Variants in SLC24A3 observed in about 807,000 individuals in gnomAD.
SLC24A3 encodes the protein sodium/potassium/calcium exchanger 3.
SLC24A3 carries 28 observed loss-of-function variants against 75.8 expected under a neutral mutation model. The observed-to-expected ratio is 0.37, with a 90% CI of 0.27 to 0.51. The LOEUF (loss-of-function observed/expected upper bound fraction) is 0.51, where lower values mean the gene tolerates loss of function less well. Among genes scored for constraint, SLC24A3 ranks in the 20% least tolerant of loss-of-function variants. SLC24A3 has a pLI of 0.94. For synonymous variants in SLC24A3, 372 were observed against 334.1 expected (o/e 1.11, Z -1.24); for missense variants, 663 against 847.8 (o/e 0.78, Z 2.71).
intron 7 of SLC24A3, among the ~76,000 whole-genome samples, chr20:19,663,714 A>G (rs1054381491): frequency 6.6e-6 from 1 of 151,900 alleles, no homozygotes; most frequent in Admixed American, 6.6e-5. Context: ...CTCCAGGGTC[A>G]TGAAGCTCTG....
At chr20:19,424,730 AAAAAAAAACAACAAC>A (rs1986971971) in intron 2 of SLC24A3, among the ~76,000 whole-genome samples, 2 of 39,652 alleles carry the variant, frequency 5.0e-5, no homozygotes, top group African/African-American at 1.8e-4. Flanking sequence ...CCCTTTCTCA[AAAAAAAAACAACAAC>A]AAAAAAAAAA....
chr20:19,562,940 A>G (rs1207920896), intron 3 of SLC24A3, among the ~76,000 whole-genome samples: 1 of 152,168 alleles, frequency 6.6e-6, no homozygotes, highest in African/African-American at 2.4e-5. Flanking sequence ...CCAACCTGGG[A>G]ATCTTACTAT....
chr20:19,696,957 G>T, intron 14 of SLC24A3, 46 bp downstream of exon 14: 1 of 740,430 alleles, frequency 1.4e-6, no homozygotes, highest in Non-Finnish European at 2.3e-6. Context: ...GAGGGAGGAG[G>T]AGAGGGAGGG....
chr20:19,221,702 G>C (rs192454636), intron 1 of SLC24A3, among the ~76,000 whole-genome samples: 1 of 152,154 alleles, frequency 6.6e-6, no homozygotes, highest in Admixed American at 6.5e-5. Context: ...ATCTGCTGCT[G>C]TCTTGGTTAA....
chr20:19,528,301 G>A (rs956549925), intron 3 of SLC24A3, among the ~76,000 whole-genome samples: 3 of 152,134 alleles, frequency 2.0e-5, no homozygotes, highest in Admixed American at 6.6e-5. Flanking sequence ...TAAACTGTCA[G>A]CCATCAGCGC....
chr20:19,654,287 T>C (rs2032240375), intron 7 of SLC24A3, 151 bp downstream of exon 7: 2 of 696,554 alleles, frequency 2.9e-6, no homozygotes, highest in Non-Finnish European at 2.5e-6. Flanking sequence ...TTCTTTCAGC[T>C]ACTTTGATCA....
intron 2 of SLC24A3, among the ~76,000 whole-genome samples, chr20:19,313,421 T>C (rs1284175392): frequency 1.3e-5 from 2 of 152,034 alleles, no homozygotes; most frequent in East Asian, 3.9e-4. Context: ...CACCCAGAGA[T>C]GGAATTAAAT....
intron 6 of SLC24A3, among the ~76,000 whole-genome samples, chr20:19,652,196 G>A (rs892396671): frequency 2.0e-5 from 3 of 152,066 alleles, no homozygotes; most frequent in African/African-American, 4.8e-5. Context: ...TGCATTGTGG[G>A]TTTATGTCCT....
intron 15 of SLC24A3, among the ~76,000 whole-genome samples, chr20:19,714,614 A>G (rs1418386484): frequency 1.3e-5 from 2 of 152,128 alleles, no homozygotes; most frequent in African/African-American, 4.8e-5. Flanking sequence ...GGTCTCTAAC[A>G]ATGAAAACAC....
At chr20:19,376,689 T>C (rs973723489) in intron 2 of SLC24A3, among the ~76,000 whole-genome samples, 1 of 152,044 alleles carries the variant, frequency 6.6e-6, no homozygotes, top group Non-Finnish European at 1.5e-5. Flanking sequence ...ACCCTGTCCC[T>C]TTAACACTGC....
At chr20:19,478,533 C>A (rs149907787) in intron 2 of SLC24A3, among the ~76,000 whole-genome samples, 3 of 152,256 alleles carry the variant, frequency 2.0e-5, no homozygotes, top group East Asian at 1.9e-4. Context: ...GCCCCCCATC[C>A]ATTGTGGTTT....
At chr20:19,447,523 G>A (rs1482077506) in intron 2 of SLC24A3, among the ~76,000 whole-genome samples, 5 of 152,016 alleles carry the variant, frequency 3.3e-5, no homozygotes. Context: ...AGAATAAAGT[G>A]GTTTTTTTGC....
intron 2 of SLC24A3, among the ~76,000 whole-genome samples, chr20:19,302,050 T>G (rs938921052): frequency 2.6e-5 from 4 of 152,224 alleles, no homozygotes; most frequent in African/African-American, 9.6e-5. Context: ...TCTAGTAACA[T>G]GCCCATGAGT....
chr20:19,266,583 A>G (rs1472287025), intron 1 of SLC24A3, among the ~76,000 whole-genome samples: 1 of 152,240 alleles, frequency 6.6e-6, no homozygotes, highest in Non-Finnish European at 1.5e-5. Context: ...TGTTTATCCA[A>G]TCACAAAGGA....
At chr20:19,473,286 T>C (rs1477742189) in intron 2 of SLC24A3, among the ~76,000 whole-genome samples, 1 of 152,180 alleles carries the variant, frequency 6.6e-6, no homozygotes, top group Non-Finnish European at 1.5e-5. Flanking sequence ...TAAAACAAGA[T>C]AGAGATTATT....
chr20:19,378,380 G>A (rs1986123762), intron 2 of SLC24A3, among the ~76,000 whole-genome samples: 1 of 152,158 alleles, frequency 6.6e-6, no homozygotes, highest in African/African-American at 2.4e-5. Context: ...CTAGACTCCT[G>A]TTTTAAACTC....
At chr20:19,265,842 C>G (rs1482872021) in intron 1 of SLC24A3, 1 of 152,762 alleles carries the variant, frequency 6.5e-6, no homozygotes, top group Non-Finnish European at 1.5e-5. Context: ...CTTTGATTGG[C>G]CTGGCTCAGT....
chr20:19,482,669 T>C (rs1247824079), intron 2 of SLC24A3, among the ~76,000 whole-genome samples: 1 of 152,250 alleles, frequency 6.6e-6, no homozygotes, highest in African/African-American at 2.4e-5. Context: ...AAGCCTGAGA[T>C]AGCCTCATTT....
chr20:19,356,814 T>C (rs1985695104), intron 2 of SLC24A3, among the ~76,000 whole-genome samples: 3 of 152,066 alleles, frequency 2.0e-5, no homozygotes, highest in Admixed American at 2.0e-4. Flanking sequence ...CCTACTGCTC[T>C]ACATGGTCAT....
Sources: allele counts gnomAD v4.1 joint callset (sites outside exome capture counted in the v4.1 genomes callset), GRCh38; gene constraint gnomAD v4.1.1; transcripts MANE v1.5; gene names NCBI Gene and HGNC (gene_info 2026-07-23, HGNC 2026-07-21).